L3MBTL2: variants seen among roughly 807,000 people sequenced by gnomAD.
L3MBTL2 encodes the protein L3MBTL histone methyl-lysine binding protein 2, also known as lethal(3)malignant brain tumor-like protein 2.
In L3MBTL2, 49 loss-of-function variants were observed where a neutral mutation model predicts 86.4. The observed-to-expected ratio is 0.57, with a 90% CI of 0.45 to 0.72. The LOEUF (loss-of-function observed/expected upper bound fraction) is 0.72, where lower values mean the gene tolerates loss of function less well. L3MBTL2 is among the 30% of genes least tolerant of loss of function. L3MBTL2 has a pLI of 0.00. For synonymous variants in L3MBTL2, 336 were observed against 350.6 expected (o/e 0.96, Z 0.47); for missense variants, 755 against 923.7 (o/e 0.82, Z 2.37).
intron 2 of L3MBTL2, among the ~76,000 whole-genome samples, chr22:41,213,334 CTTTT>C (rs141223031): frequency 6.6e-6 from 1 of 151,704 alleles, no homozygotes; most frequent in African/African-American, 2.4e-5. Context: ...AATTTTTTCG[CTTTT>C]TTTTGAGACA....
intron 15 of L3MBTL2, among the ~76,000 whole-genome samples, chr22:41,229,139 C>T (rs1460389853): frequency 6.6e-6 from 1 of 152,082 alleles, no homozygotes; most frequent in Non-Finnish European, 1.5e-5. Context: ...GGCCTGTAGT[C>T]CCAGCTACTC....
At chr22:41,210,143 C>CTTTT (rs869292228) in intron 2 of L3MBTL2, 102 of 162,848 alleles carry the variant, frequency 6.3e-4, no homozygotes, top group African/African-American at 1.5e-3. Context: ...AGTCTAATTT[C>CTTTT]TTTTTTTTTT....
chr22:41,231,225 G>C lies in L3MBTL2; in HGVS notation c.*974G>C, dbSNP rs2032573935. 6.6e-6 allele frequency: 1 copy of C among 152,170 alleles called. No homozygotes were observed. 9.4% of individuals were successfully genotyped at this position (152,170 alleles called of 1,614,324 possible). On this transcript the variant is annotated 3_prime_UTR_variant, in exon 17 of 17. Coordinates refer to ENST00000216237, the MANE Select transcript of L3MBTL2 (RefSeq NM_031488.5). ...CTAGCTGCCATTGCAACCTCACTGG[G>C]CTCCCCAGACTCTGTGTGTGAGAAA...
chr22:41,217,185 G>C lies in L3MBTL2; in HGVS notation c.583G>C (p.Val195Leu), dbSNP rs756220378. ...LKDHSYKAAP[V>L]SCFKHVPLYD... ...GGATCACAGTTACAAGGCTGCTCCC[G>C]TCAGCTGTTTCAAGCACGTGAGTGC... The change falls in exon 5 of 17, where the codon GTC becomes CTC. Residue 195 changes from valine to leucine, a missense_variant. Val to Leu is a conservative substitution (Grantham distance 32). Coordinates refer to ENST00000216237, the MANE Select transcript of L3MBTL2 (RefSeq NM_031488.5). 6.2e-7 allele frequency: 1 copy of C among 1,613,404 alleles called. No homozygotes were observed. The highest frequency in any genetic ancestry group is 8.5e-7 in the Non-Finnish European group (1 of 1,179,854).
At position 41,225,327 on chromosome 22, in the gene L3MBTL2, C is replaced by T. The variant is rs144539034; in HGVS notation, c.1356+256C>T. Among the ~76,000 whole-genome samples the T allele has an allele frequency of 9.9e-3, 1,504 of 152,292 alleles. 58 individuals are homozygous for T. The highest frequency in any genetic ancestry group is 0.079 in the Admixed American group (1,203 of 15,288). On this transcript the variant is annotated intron_variant, in intron 11 of 16. Transcript: ENST00000216237. The surrounding 1 kb of genome is among the most constrained non-coding windows in gnomAD (Gnocchi z 4.1). ...GAGCCTGGTCCTGTGTCAGAGTAGG[C>T]CCCTCCCTGTCACCTCACTGGGGCC... is the stretch of plus-strand genomic sequence containing the variant.
chr22:41,221,099 C>T (rs2031781219), intron 7 of L3MBTL2, 100 bp from the exon 8 acceptor site: 2 of 1,087,664 alleles, frequency 1.8e-6, no homozygotes, highest in African/African-American at 3.2e-5. Flanking sequence ...TATTTTCAGT[C>T]CCCACTGCTG....
intron 2 of L3MBTL2, among the ~76,000 whole-genome samples, chr22:41,211,463 C>T (rs1192393678): frequency 1.3e-5 from 2 of 152,108 alleles, no homozygotes; most frequent in African/African-American, 4.8e-5. Context: ...CCTCAGCCTC[C>T]CAAAGTGCTA....
chr22:41,219,926 T>TAG (rs1430726148), intron 6 of L3MBTL2, among the ~76,000 whole-genome samples: 1 of 152,178 alleles, frequency 6.6e-6, no homozygotes, highest in African/African-American at 2.4e-5. Context: ...GTATTTTTAG[T>TAG]AGAGACGGGG....
In L3MBTL2 at chr22:41,214,065, G is replaced by A. The variant is rs762071274; in HGVS notation, c.396+39G>A. The A allele has an allele frequency of 6.2e-6, 10 of 1,609,980 alleles. 1 individual carries two copies. The South Asian group carries it at 1.1e-4, about 18-fold the overall frequency. ...ACTTGGATCCTTCCCGGTGCCTTTG[G>A]TGCTGAGACAGGAACCACCAAGTGA... On this transcript the variant is annotated intron_variant, in intron 3 of 16. Coordinates refer to ENST00000216237, the MANE Select transcript of L3MBTL2 (RefSeq NM_031488.5).
chr22:41,225,768 G>A lies in L3MBTL2; in HGVS notation c.1357-26G>A, dbSNP rs768002539. The A allele has an allele frequency of 1.0e-5, 16 of 1,598,256 alleles. No homozygotes were observed. Among genetic ancestry groups the A allele is most frequent in the Non-Finnish European group, 1.3e-5 (15 of 1,168,640 alleles). On this transcript the variant is annotated intron_variant, in intron 11 of 16. Coordinates refer to ENST00000216237, the MANE Select transcript of L3MBTL2 (RefSeq NM_031488.5). This position sits in a 1 kb window ranked among gnomAD's most constrained non-coding sequence, Gnocchi z 4.1. ...TGGGGTGCAGTTCATGATATGATCT[G>A]TCTGCCTGCTCCCCCCACCCCCCAG... is the stretch of plus-strand genomic sequence containing the variant.
At chr22:41,209,415 T>C (rs2030529185) in intron 1 of L3MBTL2, 3 of 356,292 alleles carry the variant, frequency 8.4e-6, no homozygotes, top group South Asian at 7.8e-5. Context: ...CCCACATTGT[T>C]ATACAGTATT....
chr22:41,224,789 C>G lies in L3MBTL2; in HGVS notation c.1239C>G (p.Tyr413Ter). The change falls in exon 10 of 17, where the codon TAC (tyrosine) becomes TAG (stop). Residue 413 changes from tyrosine to a stop codon, truncating the protein, a stop_gained. Coordinates refer to ENST00000216237, the MANE Select transcript of L3MBTL2 (RefSeq NM_031488.5). LOFTEE classifies it high-confidence loss of function. This position sits in a 1 kb window ranked among gnomAD's most constrained non-coding sequence, Gnocchi z 4.9. ...AGATCTACTGTGATGCCGTTCCTTA[C>G]CTCTTCAAGAAGGTGAGGTTCAGCT... Reference protein sequence around the residue: ...FRKIYCDAVPYLFKKVRAVYT... With the variant: ...FRKIYCDAVP 6.2e-7 allele frequency: 1 copy of G among 1,613,654 alleles called. No homozygotes were observed. Among genetic ancestry groups the G allele is most frequent in the African/African-American group, 1.3e-5 (1 of 75,044 alleles).
chr22:41,217,027 C>A, intron 4 of L3MBTL2, 96 bp from the exon 5 acceptor site: 1 of 909,852 alleles, frequency 1.1e-6, no homozygotes, highest in Non-Finnish European at 1.8e-6. Flanking sequence ...GGGTGGGGGA[C>A]CTACCTCTGC....
chr22:41,229,806 G>T, intron 16 of L3MBTL2, 150 bp downstream of exon 16: 1 of 1,356,044 alleles, frequency 7.4e-7, no homozygotes, highest in South Asian at 1.2e-5. Context: ...CTGGACCCAG[G>T]GTGTTTCCCA....
intron 16 of L3MBTL2, 90 bp downstream of exon 16, chr22:41,229,746 T>C: frequency 1.2e-6 from 2 of 1,605,172 alleles, no homozygotes; most frequent in African/African-American, 1.3e-5. Flanking sequence ...CACAGAAGAG[T>C]AGAGTCAGGT....
At chr22:41,228,822 C>T (rs1438208776) in intron 15 of L3MBTL2, among the ~76,000 whole-genome samples, 2 of 150,064 alleles carry the variant, frequency 1.3e-5, no homozygotes, top group Non-Finnish European at 2.9e-5. Context: ...TTCACTCCAG[C>T]CTGGGCGGAA....
intron 15 of L3MBTL2, among the ~76,000 whole-genome samples, chr22:41,228,938 G>A (rs1484784198): frequency 1.3e-5 from 2 of 152,142 alleles, no homozygotes; most frequent in Admixed American, 6.5e-5. Flanking sequence ...ACCGGGAATG[G>A]TGCATGTTGT....
chr22:41,219,382 T>C, intron 5 of L3MBTL2, 37 bp from the exon 6 acceptor site: 1 of 1,490,764 alleles, frequency 6.7e-7, no homozygotes. Context: ...CTAGCACAGT[T>C]AGCTCACTCT....
intron 2 of L3MBTL2, among the ~76,000 whole-genome samples, chr22:41,210,804 A>G (rs921326879): frequency 6.6e-6 from 1 of 152,194 alleles, no homozygotes; most frequent in African/African-American, 2.4e-5. Context: ...ATTCTTTCAT[A>G]TAACTAATGT....
Sources: allele counts gnomAD v4.1 joint callset (sites outside exome capture counted in the v4.1 genomes callset), GRCh38; gene constraint gnomAD v4.1.1; non-coding constraint Gnocchi (gnomAD v3.1); transcripts MANE v1.5; gene names NCBI Gene and HGNC (gene_info 2026-07-23, HGNC 2026-07-21).